KIAA1217: variants seen among roughly 807,000 people sequenced by gnomAD.
The protein encoded by KIAA1217 is KIAA1217, also known as sickle tail protein homolog.
KIAA1217 carries 88 observed loss-of-function variants against 163.9 expected under a neutral mutation model. The observed-to-expected ratio is 0.54, with a 90% confidence interval of 0.45 to 0.64. The LOEUF (loss-of-function observed/expected upper bound fraction) is 0.64, where lower values mean the gene tolerates loss of function less well. Among genes scored for constraint, KIAA1217 ranks in the 30% least tolerant of loss-of-function variants. The pLI is 0.00. For synonymous variants in KIAA1217, 903 were observed against 923.1 expected (o/e 0.98, Z 0.39); for missense variants, 2,372 against 2,475.0 (o/e 0.96, Z 0.88).
rs1404195745 is a variant in KIAA1217, at chr10:24,088,276, C to T, written c.-171+80902C>T. Among the ~76,000 whole-genome samples the T allele has an allele frequency of 4.1e-4, 38 of 92,580 alleles. 4 individuals carry two copies. Among genetic ancestry groups the T allele is most frequent in the African/African-American group, 9.5e-4 (21 of 22,020 alleles). 60.7% of individuals were successfully genotyped at this position (92,580 alleles called of 152,430 possible). A position where few individuals can be genotyped will look rare whatever the true frequency, so the allele number is the denominator to read the frequency against. On this transcript the variant is annotated intron_variant, in intron 2 of 18. Transcript: ENST00000376462. The stretch of plus-strand genomic sequence containing the variant: ...ATATACATATATATATATATATATA[C>T]ACACATATATGTGTATATATATATA...
upstream of KIAA1217, chr10:24,209,120 C>G (rs2067746725): frequency 5.1e-6 from 7 of 1,378,308 alleles, no homozygotes; most frequent in Non-Finnish European, 7.2e-6. Context: ...CCCTCCCAGG[C>G]GCTTTCTGGG....
intron 8 of KIAA1217, among the ~76,000 whole-genome samples, chr10:24,499,352 C>T (rs1036474279): frequency 5.9e-5 from 9 of 152,172 alleles, no homozygotes; most frequent in African/African-American, 2.2e-4. Context: ...CTTGCTCTTT[C>T]GAGGATGATT....
chr10:24,004,297 A>T (rs1188597495), intron 1 of KIAA1217, among the ~76,000 whole-genome samples: 1 of 152,030 alleles, frequency 6.6e-6, no homozygotes, highest in South Asian at 2.1e-4. Flanking sequence ...TATTTTATTC[A>T]AAGACAAGAT....
chr10:24,383,096 C>T (rs747028465), intron 3 of KIAA1217, among the ~76,000 whole-genome samples: 1 of 152,062 alleles, frequency 6.6e-6, no homozygotes, highest in Non-Finnish European at 1.5e-5. Context: ...ATCCTCCCAC[C>T]TTAACCTCAC....
At chr10:24,518,695 T>A (rs2070603483) in intron 10 of KIAA1217, among the ~76,000 whole-genome samples, 1 of 152,198 alleles carries the variant, frequency 6.6e-6, no homozygotes, top group Admixed American at 6.5e-5. Context: ...GAAGTTACCA[T>A]ATTTATTTAG....
intron 10 of KIAA1217, among the ~76,000 whole-genome samples, chr10:24,514,208 T>C (rs1171370323): frequency 6.6e-6 from 1 of 152,214 alleles, no homozygotes; most frequent in East Asian, 1.9e-4. Flanking sequence ...ATCTCACCTT[T>C]TAGTATAATG....
At chr10:24,499,918 C>T (rs2067305625) in intron 8 of KIAA1217, among the ~76,000 whole-genome samples, 1 of 152,164 alleles carries the variant, frequency 6.6e-6, no homozygotes, top group South Asian at 2.1e-4. Context: ...GGGGCGCCAG[C>T]AGCATCAGCA....
At chr10:24,211,570 GTATTGTATTGTATTGTATTGTATTT>G (rs1161916230) in intron 1 of KIAA1217, among the ~76,000 whole-genome samples, 4 of 139,786 alleles carry the variant, frequency 2.9e-5, no homozygotes, top group African/African-American at 1.1e-4. Context: ...GTATTGTATT[GTATTGTATTGTATTGTATTGTATTT>G]TATTTTATTT....
At chr10:24,374,331 A>C (rs1363391492) in intron 2 of KIAA1217, among the ~76,000 whole-genome samples, 1 of 152,220 alleles carries the variant, frequency 6.6e-6, no homozygotes, top group African/African-American at 2.4e-5. Flanking sequence ...GTTACTAGTC[A>C]TCCTGGCAAG....
intron 1 of KIAA1217, among the ~76,000 whole-genome samples, chr10:23,849,849 T>A (rs1839219304): frequency 6.6e-6 from 1 of 152,064 alleles, no homozygotes; most frequent in African/African-American, 2.4e-5. Flanking sequence ...TGTGACCGTC[T>A]TTGATTGACC....
rs563690135 is a variant in KIAA1217, at chr10:24,469,368, G to A, written c.847-3860G>A. ...TCAAACTCCTGGCCTCAAGTGATCC[G>A]CCCACCTCAGCCTCCCAAAATGTTG... On this transcript the variant is annotated intron_variant, in intron 5 of 20. Transcript: ENST00000376454. Among the ~76,000 whole-genome samples the A allele has an allele frequency of 9.2e-5, 14 of 151,888 alleles. 2 individuals carry two copies. Among genetic ancestry groups the A allele is most frequent in the South Asian group, 6.3e-4 (3 of 4,792 alleles).
At position 23,867,313 on chromosome 10, in the gene KIAA1217, G is replaced by A. The variant is rs577652948; in HGVS notation, c.-320-139912G>A. The stretch of plus-strand genomic sequence containing the variant: ...GTGAATAGTGCCGCAATAAACATAC[G>A]TGTGCATGTGTCTTTATAGCAGCAT... On this transcript the variant is annotated intron_variant, in intron 1 of 18. Coordinates refer to the KIAA1217 transcript ENST00000376462. Among the ~76,000 whole-genome samples, 733 of 151,802 alleles carry A rather than the reference G, an allele frequency of 4.8e-3. 9 individuals carry two copies. The highest frequency in any genetic ancestry group is 0.016 in the African/African-American group (661 of 41,394).
intron 2 of KIAA1217, among the ~76,000 whole-genome samples, chr10:24,039,885 C>T: frequency 6.6e-6 from 1 of 152,124 alleles, no homozygotes; most frequent in East Asian, 1.9e-4. Context: ...AGAACCCTGA[C>T]TAGTACAATT....
chr10:23,737,655 C>T (rs1412860115), intron 1 of KIAA1217, among the ~76,000 whole-genome samples: 1 of 152,030 alleles, frequency 6.6e-6, no homozygotes, highest in African/African-American at 2.4e-5. Context: ...AAATAGTACA[C>T]ATATTAAAAA....
At chr10:24,297,895 G>C (rs1024454205) in intron 2 of KIAA1217, among the ~76,000 whole-genome samples, 1 of 151,626 alleles carries the variant, frequency 6.6e-6, no homozygotes, top group Non-Finnish European at 1.5e-5. Flanking sequence ...AAAGTGAAAG[G>C]TACATGAAAT....
At chr10:24,071,346 T>G (rs2061180404) in intron 2 of KIAA1217, among the ~76,000 whole-genome samples, 1 of 152,222 alleles carries the variant, frequency 6.6e-6, no homozygotes, top group Non-Finnish European at 1.5e-5. Flanking sequence ...TATTTACGAC[T>G]TTATCCAGCT....
At chr10:24,299,760 C>T (rs144442831) in intron 2 of KIAA1217, among the ~76,000 whole-genome samples, 1 of 152,238 alleles carries the variant, frequency 6.6e-6, no homozygotes, top group East Asian at 1.9e-4. Context: ...TTTATGAAGC[C>T]TGTGGATGCT....
chr10:24,132,522 GC>G (rs2063692597), intron 2 of KIAA1217, among the ~76,000 whole-genome samples: 1 of 152,160 alleles, frequency 6.6e-6, no homozygotes, highest in South Asian at 2.1e-4. Context: ...CTGCCCTCCG[GC>G]AGGACCCAGT....
chr10:24,201,239 C>G (rs933966801), intron 2 of KIAA1217, among the ~76,000 whole-genome samples: 54 of 152,114 alleles, frequency 3.5e-4, no homozygotes, highest in Admixed American at 3.4e-3. Flanking sequence ...AGACTGTGCT[C>G]CAGCTTGGGT....
Sources: gnomAD v4.1 joint callset for allele counts (sites outside exome capture counted in the v4.1 genomes callset) on GRCh38, gnomAD v4.1.1 for gene constraint, MANE v1.5 for transcripts, NCBI Gene and HGNC (gene_info 2026-07-23, HGNC 2026-07-21) for gene names.